The following ARHGEF9 variants were observed in gnomAD, a reference collection of about 807,000 sequenced individuals.
ARHGEF9 encodes the protein Cdc42 guanine nucleotide exchange factor 9.
In ARHGEF9, 2 loss-of-function variants were observed where a neutral mutation model predicts 41.3. The observed-to-expected ratio is 0.05, with a 90% confidence interval of 0.02 to 0.15. ARHGEF9 has a LOEUF of 0.15. Ranked by LOEUF, ARHGEF9 falls within the 10% of genes least tolerant of loss-of-function variation. The pLI is 1.00. For missense variants in ARHGEF9, 225 were observed against 424.7 expected (o/e 0.53, Z 4.13); for synonymous variants, 160 against 154.4 (o/e 1.04, Z -0.27).
chrX:63,780,049 G>A (rs2147827495), intron 1 of ARHGEF9, among the ~76,000 whole-genome samples: 1 of 111,625 alleles, frequency 9.0e-6, no homozygotes, highest in African/African-American at 3.2e-5. Context: ...GAGGGGTGAA[G>A]AACTTTTCCT....
intron 3 of ARHGEF9, among the ~76,000 whole-genome samples, chrX:63,704,772 GTTAA>G (rs782405335): frequency 3.6e-5 from 4 of 112,232 alleles, no homozygotes; most frequent in Non-Finnish European, 3.8e-5. Context: ...AGCCCACAGG[GTTAA>G]TTAATGACCA....
chrX:63,677,884 T>C (rs1556364356), intron 5 of ARHGEF9, among the ~76,000 whole-genome samples: 2 of 111,999 alleles, frequency 1.8e-5, no homozygotes, highest in Non-Finnish European at 3.8e-5. Flanking sequence ...TAAGATGAAT[T>C]ATGCCATATA....
chrX:63,644,851 G>A (rs1556310963), intron 8 of ARHGEF9, among the ~76,000 whole-genome samples: 2 of 107,872 alleles, frequency 1.9e-5, no homozygotes, highest in African/African-American at 6.7e-5. Context: ...CTGCAGCCTT[G>A]ATCTCTCAAG....
At chrX:63,729,176 G>C (rs1602597439) in intron 1 of ARHGEF9, among the ~76,000 whole-genome samples, 1 of 111,419 alleles carries the variant, frequency 9.0e-6, no homozygotes, top group African/African-American at 3.3e-5. Context: ...GTTAAATATG[G>C]GGGGCCAGCA....
chrX:63,642,501 T>C (rs1358541069), intron 9 of ARHGEF9: 2 of 111,297 alleles, frequency 1.8e-5, no homozygotes, highest in African/African-American at 6.5e-5. Flanking sequence ...CACATTCGCA[T>C]GATGAGGAAA....
At chrX:63,654,698 T>G (rs1556333632) in intron 8 of ARHGEF9, among the ~76,000 whole-genome samples, 1 of 111,846 alleles carries the variant, frequency 8.9e-6, no homozygotes. Flanking sequence ...CTTTCAGGCC[T>G]TCTAAAGTAC....
At chrX:63,671,871 G>A (rs2049981027) in intron 6 of ARHGEF9, among the ~76,000 whole-genome samples, 1 of 112,106 alleles carries the variant, frequency 8.9e-6, no homozygotes, top group South Asian at 3.7e-4. Context: ...ATATCCATCA[G>A]GCTTTACTAG....
chrX:63,669,019 C>T (rs2049769630), intron 6 of ARHGEF9, among the ~76,000 whole-genome samples: 1 of 112,412 alleles, frequency 8.9e-6, no homozygotes, highest in Non-Finnish European at 1.9e-5. Flanking sequence ...TACCAACTCA[C>T]TCTTGAGTTA....
At chrX:63,672,895 T>A (rs1173338055) in intron 6 of ARHGEF9, among the ~76,000 whole-genome samples, 2 of 112,124 alleles carry the variant, frequency 1.8e-5, no homozygotes, top group Admixed American at 1.9e-4. Context: ...ACCCACAATT[T>A]TCTAGTAAGT....
intron 8 of ARHGEF9, among the ~76,000 whole-genome samples, chrX:63,647,819 C>T (rs1156637158): frequency 9.0e-6 from 1 of 111,184 alleles, no homozygotes; most frequent in South Asian, 3.8e-4. Context: ...CCAGCTCCTC[C>T]TTGTACCTCT....
At chrX:63,736,038 T>G (rs1249006520) in intron 1 of ARHGEF9, among the ~76,000 whole-genome samples, 3 of 111,918 alleles carry the variant, frequency 2.7e-5, no homozygotes, top group Admixed American at 1.9e-4. Flanking sequence ...CAGTCCTGGA[T>G]GAGGAAGTGG....
chrX:63,720,637 C>T (rs1486800527), intron 2 of ARHGEF9, among the ~76,000 whole-genome samples: 1 of 112,016 alleles, frequency 8.9e-6, no homozygotes, highest in Non-Finnish European at 1.9e-5. Context: ...GGGTTCAAGT[C>T]CTGGCTTTGC....
chrX:63,674,091 A>G lies in ARHGEF9; in HGVS notation c.892T>C (p.Leu298=). The G allele has an allele frequency of 8.3e-7, 1 of 1,211,084 alleles. No individual in the cohort carries two copies. The change falls in exon 6 of 10, where the codon TTA becomes CTA. Residue 298 remains leucine, a synonymous_variant. Transcript: ENST00000671741. ...TQQINERKRR[L]ENIDKIAQWQ... is the part of the protein sequence containing the mutation. Reference sequence around the variant, plus strand: ...TGAGCAATCTTGTCAATATTCTCTAAACGTCGCTTGCGTTCGTTGATCTGC... The same window carrying G: ...TGAGCAATCTTGTCAATATTCTCTAGACGTCGCTTGCGTTCGTTGATCTGC...
At chrX:63,762,573 C>T (rs1335238414) in intron 1 of ARHGEF9, among the ~76,000 whole-genome samples, 3 of 110,696 alleles carry the variant, frequency 2.7e-5, no homozygotes, top group Admixed American at 9.6e-5. Context: ...TAGATGGGGG[C>T]TTATAGAAAT....
rs781947373 is a variant in ARHGEF9 at position 63,655,570 on chromosome X, C to T, written c.1245G>A (p.Lys415=). The change falls in exon 8 of 10, where the codon AAG becomes AAA. Residue 415 remains lysine (K), a synonymous_variant. Transcript: ENST00000671741. ...ETEEIHLFFA[K]KLEEKIRWLR... ...GCCAGCGTATTTTTTCCTCCAGCTT[C>T]TTGGCAAAGAACAGATGTATCTCCT... 5 of 1,211,448 alleles carry T rather than the reference C, an allele frequency of 4.1e-6. No individual in the cohort carries two copies. The highest frequency in any genetic ancestry group is 5.6e-6 in the Non-Finnish European group (5 of 895,326).
intron 4 of ARHGEF9, among the ~76,000 whole-genome samples, chrX:63,679,569 T>A (rs2050486106): frequency 8.9e-6 from 1 of 111,781 alleles, no homozygotes; most frequent in African/African-American, 3.2e-5. Flanking sequence ...CTTATCCCAA[T>A]GTAATTTACC....
At chrX:63,694,781 A>C (rs1219943952) in intron 4 of ARHGEF9, among the ~76,000 whole-genome samples, 9 of 112,132 alleles carry the variant, frequency 8.0e-5, no homozygotes, top group Non-Finnish European at 1.1e-4. Flanking sequence ...TATGGTGGTT[A>C]CACAACTATA....
At chrX:63,784,929 T>C (rs1556464389) in intron 1 of ARHGEF9, among the ~76,000 whole-genome samples, 187 bp downstream of exon 1, 1 of 111,308 alleles carries the variant, frequency 9.0e-6, no homozygotes, top group African/African-American at 3.3e-5. Flanking sequence ...GGGGGTTTCC[T>C]GGGCAGGCAG....
At chrX:63,754,185 G>T in intron 1 of ARHGEF9, 1 of 846,342 alleles carries the variant, frequency 1.2e-6, no homozygotes, top group South Asian at 2.1e-5. Flanking sequence ...ACACACGCAT[G>T]CACACTTAAA....
Sources: allele counts gnomAD v4.1 joint callset (sites outside exome capture counted in the v4.1 genomes callset), GRCh38; gene constraint gnomAD v4.1.1; transcripts MANE v1.5; gene names NCBI Gene and HGNC (gene_info 2026-07-23, HGNC 2026-07-21).